The following STX10 variants were observed in gnomAD, a reference collection of about 807,000 sequenced individuals.
STX10 encodes syntaxin-10.
In STX10, 35 loss-of-function variants were observed where a neutral mutation model predicts 34.1. That is an observed-to-expected ratio of 1.03 (90% CI 0.78 to 1.36). The LOEUF (loss-of-function observed/expected upper bound fraction) is 1.36, where lower values mean the gene tolerates loss of function less well. STX10 is among the 40% of genes most tolerant of loss of function. STX10 has a pLI of 0.00. For synonymous variants in STX10, 155 were observed against 132.9 expected (o/e 1.17, Z -1.15); for missense variants, 361 against 335.5 (o/e 1.08, Z -0.59).
chr19:13,146,160 G>C (rs1013479275), intron 4 of STX10, among the ~76,000 whole-genome samples: 43 of 150,934 alleles, frequency 2.8e-4, no homozygotes, highest in Admixed American at 2.8e-3. Flanking sequence ...TCGCACCACT[G>C]CATTTCCAGC....
At chr19:13,149,679 C>A (rs1224109273) in intron 2 of STX10, 49 bp downstream of exon 2, 1 of 1,608,644 alleles carries the variant, frequency 6.2e-7, no homozygotes, top group African/African-American at 1.3e-5. Flanking sequence ...TGGGCTGCCA[C>A]CGCAATGGGC....
At chr19:13,145,194 A>G (rs376812698) in intron 5 of STX10, 94 bp downstream of exon 5, 97 of 1,220,696 alleles carry the variant, frequency 7.9e-5, no homozygotes, top group East Asian at 4.5e-4. Flanking sequence ...GCGAAACTCC[A>G]TATCAACAAC....
In STX10 at chr19:13,149,092, C is replaced by T. The variant is rs1201337482; in HGVS notation, c.301-1G>A. On this transcript the variant is annotated splice_acceptor_variant, in intron 3 of 7. Transcript: ENST00000587230. LOFTEE classifies it high-confidence loss of function. The stretch of plus-strand genomic sequence containing the variant: ...GGCTGACCATATGGTCCTTCATTTC[C>T]TGGAGGTAAGGACAGCATTAGGGAG... 2.3e-5 allele frequency: 37 copies of T among 1,593,622 alleles called. No individual in the cohort carries two copies. The highest frequency in any genetic ancestry group is 3.1e-5 in the Non-Finnish European group (36 of 1,169,828).
intron 3 of STX10, 85 bp from the exon 4 acceptor site, chr19:13,149,176 C>T: frequency 3.2e-6 from 4 of 1,244,564 alleles, no homozygotes; most frequent in East Asian, 2.5e-5. Flanking sequence ...CTTTGAGAGA[C>T]CAAGCCGGGT....
intron 4 of STX10, among the ~76,000 whole-genome samples, chr19:13,148,503 CA>C (rs35867694): frequency 0.11 from 8,542 of 75,264 alleles, 256 homozygotes; most frequent in African/African-American, 0.14. Context: ...AACTCCATCT[CA>C]AAAAAAAAAA....
In STX10 at chr19:13,144,326, T is replaced by G; in HGVS notation, c.*84A>C. Reference sequence around the variant, plus strand: ...CTCTCCAGCTACCCAGGAGGGACCCTCTCCTCCTAGGGGGCGAGGCCAGCT... The same window carrying G: ...CTCTCCAGCTACCCAGGAGGGACCCGCTCCTCCTAGGGGGCGAGGCCAGCT... On this transcript the variant is annotated 3_prime_UTR_variant, in exon 8 of 8. Coordinates refer to ENST00000587230, the MANE Select transcript of STX10 (RefSeq NM_003765.3). 2.6e-6 allele frequency: 4 copies of G among 1,531,074 alleles called. No homozygotes were observed. The highest frequency in any genetic ancestry group is 3.5e-6 in the Non-Finnish European group (4 of 1,131,066). The allele number at this position is 1,531,074 out of a possible 1,614,324, so 94.8% of individuals were successfully genotyped here.
chr19:13,147,981 T>C (rs985554657), intron 4 of STX10, among the ~76,000 whole-genome samples: 8 of 142,642 alleles, frequency 5.6e-5, no homozygotes, highest in African/African-American at 2.1e-4. Flanking sequence ...TGGAGAATCG[T>C]TGAGCCCAGG....
chr19:13,145,664 C>T (rs1347798647), intron 4 of STX10, among the ~76,000 whole-genome samples: 1 of 151,918 alleles, frequency 6.6e-6, no homozygotes, highest in East Asian at 1.9e-4. Context: ...TGGAGGTGGG[C>T]AGATAACTTG....
chr19:13,144,381 A>G lies in STX10; in HGVS notation c.*29T>C. 1 of 1,595,754 alleles carries G rather than the reference A, an allele frequency of 6.3e-7. No homozygotes were observed. The highest frequency in any genetic ancestry group is 1.1e-5 in the South Asian group (1 of 87,944). ...AGTGCTTGGTGGCTCCCCAGGCTTA[A>G]GGGACCAGCCTGCCAGGGAGGGCTG... On this transcript the variant is annotated 3_prime_UTR_variant, in exon 8 of 8. Transcript: ENST00000587230.
rs148952703 is a variant in STX10 at position 13,144,645 on chromosome 19, A to C, written c.605T>G (p.Met202Arg). ...GTCCATGCGGGACTGGGTGTGGTCC[A>C]TCTCTTGGGCGAAGGCATCCAGCAT... ...GIMLDAFAQEMDHTQSRMDGV... is the reference protein window; with the variant it reads ...GIMLDAFAQERDHTQSRMDGV... Residue 202 changes from methionine to arginine, a missense_variant, in exon 7 of 8, where the codon ATG (methionine) becomes AGG (arginine). Physicochemically the swap from Met to Arg is moderately conservative, Grantham distance 91. Coordinates refer to ENST00000587230, the MANE Select transcript of STX10 (RefSeq NM_003765.3). 5.5e-5 allele frequency: 88 copies of C among 1,614,018 alleles called. No individual in the cohort carries two copies. Among genetic ancestry groups the C allele is most frequent in the Middle Eastern group, 4.9e-4 (3 of 6,084 alleles).
intron 4 of STX10, among the ~76,000 whole-genome samples, chr19:13,146,393 T>A (rs2019900698): frequency 6.6e-6 from 1 of 152,052 alleles, no homozygotes; most frequent in Non-Finnish European, 1.5e-5. Context: ...TGCCACCACA[T>A]CCAGCTAATT....
intron 4 of STX10, among the ~76,000 whole-genome samples, chr19:13,148,436 G>A (rs895383800): frequency 2.0e-5 from 3 of 151,510 alleles, no homozygotes; most frequent in African/African-American, 7.3e-5. Context: ...CCAGGAGGCG[G>A]AGATTGCGGT....
At chr19:13,148,451 C>T (rs1022415454) in intron 4 of STX10, among the ~76,000 whole-genome samples, 2 of 146,816 alleles carry the variant, frequency 1.4e-5, no homozygotes, top group African/African-American at 2.5e-5. Flanking sequence ...TGCGGTGAGC[C>T]GAGATTGCAC....
intron 4 of STX10, among the ~76,000 whole-genome samples, chr19:13,146,025 CAAAAAAA>C (rs71168666): frequency 2.6e-5 from 2 of 75,992 alleles, no homozygotes; most frequent in Admixed American, 1.6e-4. Flanking sequence ...GACCTTCTCT[CAAAAAAA>C]AAAAAAAAAA....
intron 3 of STX10, 57 bp downstream of exon 3, chr19:13,149,442 G>GAAAGA (rs1555724465): frequency 2.1e-4 from 245 of 1,162,938 alleles, no homozygotes; most frequent in Middle Eastern, 8.6e-4. Context: ...AAGAAAGAAA[G>GAAAGA]AAAAAAAAAC....
Position 13,149,795 on chromosome 19 carries a change from C to T in STX10, c.138G>A (p.Thr46=). Residue 46 remains threonine (T), a synonymous_variant, in exon 2 of 8, where the codon ACG becomes ACA. Transcript: ENST00000587230. ...AAVGREELDW[T]TNELRNGLRS... is the part of the protein sequence containing the mutation. ...GCAGGCCATTCCGCAGCTCATTGGT[C>T]GTCCAGTCCAGCTCCTCGCGTCCGA... The T allele has an allele frequency of 6.2e-7, 1 of 1,614,092 alleles. No individual in the cohort carries two copies. Among genetic ancestry groups the T allele is most frequent in the Non-Finnish European group, 8.5e-7 (1 of 1,180,028 alleles).
rs184197639 is a variant in STX10 at position 13,144,243 on chromosome 19, G to A, written c.*167C>T. On this transcript the variant is annotated 3_prime_UTR_variant, in exon 8 of 8. Coordinates refer to ENST00000587230, the MANE Select transcript of STX10 (RefSeq NM_003765.3). ...GGTGGTTCCAGCCCAGGGTCCTGAA[G>A]GGTCCCACTGGCTCTAGGGGAGAGC... The A allele has an allele frequency of 1.2e-3, 1,083 of 904,782 alleles. 6 individuals carry two copies. The highest frequency in any genetic ancestry group is 9.8e-3 in the Middle Eastern group (28 of 2,862). The allele number at this position is 904,782 out of a possible 1,614,324, so 56.0% of individuals were successfully genotyped here.
intron 5 of STX10, 127 bp downstream of exon 5, chr19:13,145,161 T>C: frequency 1.1e-6 from 1 of 880,134 alleles, no homozygotes; most frequent in South Asian, 1.6e-5. Flanking sequence ...ATCGCGCCAC[T>C]GCACTCCAGC....
intron 3 of STX10, 88 bp downstream of exon 3, chr19:13,149,411 C>T: frequency 4.8e-6 from 3 of 624,944 alleles, no homozygotes; most frequent in Non-Finnish European, 7.0e-6. Context: ...GGCTCTGTCT[C>T]AAAAAAAAAA....
Sources: allele counts gnomAD v4.1 joint callset (sites outside exome capture counted in the v4.1 genomes callset), GRCh38; gene constraint gnomAD v4.1.1; transcripts MANE v1.5; gene names NCBI Gene and HGNC (gene_info 2026-07-23, HGNC 2026-07-21).